Variants in CISTR observed in about 807,000 individuals in gnomAD.
CISTR encodes chondrogenic regulator lncRNA.
chr12:53,753,054 A>T (rs12423000), intron 1 of CISTR, among the ~76,000 whole-genome samples: 21,827 of 122,620 alleles, frequency 0.18, 1,728 homozygotes, highest in Non-Finnish European at 0.21. Context: ...TCTATACATC[A>T]CACACACACA....
intron 1 of CISTR, chr12:53,755,988 G>A (rs1937910249): frequency 6.6e-6 from 1 of 152,186 alleles, no homozygotes; most frequent in Non-Finnish European, 1.5e-5. Context: ...CCTCCTAAGT[G>A]TCTTACTAAT....
At chr12:53,747,155 A>G (rs578049882) in intron 2 of CISTR, among the ~76,000 whole-genome samples, 1 of 152,294 alleles carries the variant, frequency 6.6e-6, no homozygotes, top group East Asian at 1.9e-4. Context: ...ACATTCCTGG[A>G]GAAAATGGAT....
At chr12:53,752,994 A>G (rs1937873792) in intron 1 of CISTR, among the ~76,000 whole-genome samples, 2 of 151,242 alleles carry the variant, frequency 1.3e-5, no homozygotes, top group Admixed American at 1.3e-4. Context: ...CTCCTGCACC[A>G]AGGCAGGAAC....
At chr12:53,752,928 T>TCTTG (rs1458704612) in intron 1 of CISTR, among the ~76,000 whole-genome samples, 3 of 152,232 alleles carry the variant, frequency 2.0e-5, no homozygotes, top group African/African-American at 7.2e-5. Context: ...TGCAGAGTCA[T>TCTTG]GGGACTGTGT....
chr12:53,752,081 C>A (rs1420944267), intron 1 of CISTR, among the ~76,000 whole-genome samples: 1 of 152,102 alleles, frequency 6.6e-6, no homozygotes, highest in East Asian at 1.9e-4. Flanking sequence ...CAGCCGGGCT[C>A]CTCGCTGCCC....
exon 2 of CISTR, chr12:53,750,672 T>C (rs1356734774): frequency 6.5e-6 from 1 of 153,106 alleles, no homozygotes; most frequent in Non-Finnish European, 1.5e-5. Context: ...TATCCATCTG[T>C]GTGACTGGCA....
At chr12:53,754,338 G>GA (rs1937891453) in intron 1 of CISTR, 1 of 152,208 alleles carries the variant, frequency 6.6e-6, no homozygotes, top group Non-Finnish European at 1.5e-5. Flanking sequence ...AGAACAGGTT[G>GA]AAAAGGGCAT....
At position 53,751,597 on chromosome 12, in the gene CISTR, G is replaced by C. The variant is rs976127526; in HGVS notation, n.415-632C>G. ...CGCGCGGCGCGGACTCATTACGGCT[G>C]CAGCCAATTTCATGCCAGCGCCGAG... On this transcript the variant is annotated intron_variant and non_coding_transcript_variant, in intron 1 of 2. Coordinates refer to ENST00000669269, the Ensembl canonical transcript of CISTR. The surrounding 1 kb of genome is among the most constrained non-coding windows in gnomAD (Gnocchi z 4.6). 1.3e-5 allele frequency among the ~76,000 whole-genome samples: 2 copies of C among 152,190 alleles called. No individual in the cohort carries two copies. The highest frequency in any genetic ancestry group is 1.3e-4 in the Admixed American group (2 of 15,286).
At chr12:53,755,019 C>T (rs949073485) in intron 1 of CISTR, among the ~76,000 whole-genome samples, 43 of 151,984 alleles carry the variant, frequency 2.8e-4, no homozygotes, top group African/African-American at 1.0e-3. Context: ...ATAATGGACA[C>T]GAGGTGCAGA....
At chr12:53,755,004 T>C (rs1420102174) in intron 1 of CISTR, among the ~76,000 whole-genome samples, 1 of 152,134 alleles carries the variant, frequency 6.6e-6, no homozygotes, top group Non-Finnish European at 1.5e-5. Context: ...ATAGGGTGCG[T>C]CCAAATAATG....
chr12:53,747,821 C>T (rs1299477595), intron 2 of CISTR, among the ~76,000 whole-genome samples: 1 of 152,078 alleles, frequency 6.6e-6, no homozygotes, highest in Non-Finnish European at 1.5e-5. Flanking sequence ...TTGAGACCTG[C>T]CACATCTCCC....
exon 3 of CISTR, among the ~76,000 whole-genome samples, chr12:53,746,508 G>C (rs1937782477): frequency 6.6e-6 from 1 of 152,142 alleles, no homozygotes; most frequent in African/African-American, 2.4e-5. Flanking sequence ...ATACCATGAA[G>C]GAAAAGCCAC....
At chr12:53,749,925 C>T (rs1017399108) in intron 2 of CISTR, among the ~76,000 whole-genome samples, 1 of 152,134 alleles carries the variant, frequency 6.6e-6, no homozygotes, top group African/African-American at 2.4e-5. Flanking sequence ...GAAGGGGAAC[C>T]TTGCAAGATA....
rs1031046743 is a variant in CISTR, at chr12:53,751,365, G to T, written n.415-400C>A. The stretch of plus-strand genomic sequence containing the variant: ...TTTGGCAGTGGGAAGGGGTGTGCGT[G>T]GGTGTCCTCTCCTTCACTCTTTCCC... On this transcript the variant is annotated intron_variant and non_coding_transcript_variant, in intron 1 of 2. Transcript: ENST00000669269. This position sits in a 1 kb window ranked among gnomAD's most constrained non-coding sequence, Gnocchi z 4.6. Among the ~76,000 whole-genome samples the T allele has an allele frequency of 3.3e-5, 5 of 152,106 alleles. No homozygotes were observed. Among genetic ancestry groups the T allele is most frequent in the Admixed American group, 6.5e-5 (1 of 15,276 alleles).
At chr12:53,752,932 A>G (rs1370732127) in intron 1 of CISTR, among the ~76,000 whole-genome samples, 3 of 152,136 alleles carry the variant, frequency 2.0e-5, no homozygotes, top group African/African-American at 7.2e-5. Flanking sequence ...GAGTCATGGG[A>G]CTGTGTCCTC....
In CISTR at chr12:53,756,265, C is replaced by G. The variant is rs976768545; in HGVS notation, n.414+549G>C. Among the ~76,000 whole-genome samples the G allele has an allele frequency of 6.6e-6, 1 of 152,148 alleles. No individual in the cohort carries two copies. Among genetic ancestry groups the G allele is most frequent in the Non-Finnish European group, 1.5e-5 (1 of 68,022 alleles). On this transcript the variant is annotated intron_variant and non_coding_transcript_variant, in intron 1 of 2. Coordinates refer to ENST00000669269, the Ensembl canonical transcript of CISTR. The surrounding 1 kb of genome is among the most constrained non-coding windows in gnomAD (Gnocchi z 4.0). ...CGAGGTAAGTTCTTTGGGGATGAAG[C>G]ACCTGATAAATGAGGACCTGGAACT...
exon 3 of CISTR, among the ~76,000 whole-genome samples, chr12:53,746,750 G>A (rs1937786283): frequency 6.6e-6 from 1 of 152,200 alleles, no homozygotes; most frequent in African/African-American, 2.4e-5. Flanking sequence ...TGGATCTGTA[G>A]GGAGCGCTGT....
chr12:53,754,154 C>T (rs1364587108), intron 1 of CISTR, among the ~76,000 whole-genome samples: 1 of 152,102 alleles, frequency 6.6e-6, no homozygotes, highest in African/African-American at 2.4e-5. Flanking sequence ...AGACCTCTTT[C>T]CTGGCTATCT....
At chr12:53,747,315 C>T (rs1937793794) in intron 2 of CISTR, among the ~76,000 whole-genome samples, 1 of 152,180 alleles carries the variant, frequency 6.6e-6, no homozygotes, top group South Asian at 2.1e-4. Context: ...CAGATGCTGA[C>T]AGGGCTCGTT....
Sources: allele counts gnomAD v4.1 joint callset (sites outside exome capture counted in the v4.1 genomes callset), GRCh38; gene constraint gnomAD v4.1.1; non-coding constraint Gnocchi (gnomAD v3.1); transcripts MANE v1.5; gene names NCBI Gene and HGNC (gene_info 2026-07-23, HGNC 2026-07-21).